The following CDK19 variants were observed in gnomAD, a reference collection of about 807,000 sequenced individuals.
The protein encoded by CDK19 is cyclin-dependent kinase 19.
In CDK19, 20 loss-of-function variants were observed where a neutral mutation model predicts 68.3. That is an observed-to-expected ratio of 0.29 (90% CI 0.21 to 0.43). The LOEUF (loss-of-function observed/expected upper bound fraction) is 0.43, where lower values mean the gene tolerates loss of function less well. CDK19 is among the 20% of genes least tolerant of loss of function. The pLI is 1.00. For synonymous variants in CDK19, 221 were observed against 222.8 expected (o/e 0.99, Z 0.07); for missense variants, 339 against 623.5 (o/e 0.54, Z 4.86).
chr6:110,760,696 C>G (rs1779171897), intron 1 of CDK19, among the ~76,000 whole-genome samples: 1 of 152,218 alleles, frequency 6.6e-6, no homozygotes, highest in Admixed American at 6.5e-5. Context: ...TCATTGTACT[C>G]CAGCCTGGGC....
At chr6:110,710,200 C>T (rs181606770) in intron 2 of CDK19, among the ~76,000 whole-genome samples, 1 of 152,300 alleles carries the variant, frequency 6.6e-6, no homozygotes, top group African/African-American at 2.4e-5. Flanking sequence ...TTGAAGCCAA[C>T]TCAACCAAAC....
chr6:110,734,527 C>CTCTCTCTCTCTCTCTCTCTCTCTCTCTT (rs1777064075), intron 2 of CDK19, among the ~76,000 whole-genome samples: 1 of 139,606 alleles, frequency 7.2e-6, no homozygotes, highest in Non-Finnish European at 1.5e-5. Flanking sequence ...ACTGCTCTCT[C>CTCTCTCTCTCTCTCTCTCTCTCTCTCTT]TCTCTCTCTC....
intron 1 of CDK19, among the ~76,000 whole-genome samples, chr6:110,749,244 G>A (rs1778290985): frequency 1.3e-5 from 2 of 152,120 alleles, no homozygotes; most frequent in South Asian, 4.1e-4. Context: ...ATAACATGTA[G>A]CAACACCATG....
At position 110,670,476 on chromosome 6, in the gene CDK19, G is replaced by A. The variant is rs1157700054; in HGVS notation, c.270C>T (p.Asp90=). ...ALQKVFLSHS[D]RKVWLLFDYA... ...AATCAAACAGCAGCCATACCTTCCT[G>A]TCACTGTGAGAAAGGAACACCTTCT... Residue 90 remains aspartate (D), a synonymous_variant, in exon 3 of 13, where the codon GAC becomes GAT. Coordinates refer to ENST00000368911, the MANE Select transcript of CDK19 (RefSeq NM_015076.5). 3 of 1,612,174 alleles carry A rather than the reference G, an allele frequency of 1.9e-6. No individual in the cohort carries two copies. In the South Asian group the frequency reaches 3.3e-5, roughly 18 times the overall value.
intron 2 of CDK19, among the ~76,000 whole-genome samples, chr6:110,733,895 T>G (rs974300958): frequency 2.6e-5 from 4 of 152,186 alleles, no homozygotes; most frequent in Non-Finnish European, 5.9e-5. Flanking sequence ...GTATAATGGA[T>G]GAAACTGTAG....
chr6:110,797,157 T>C (rs939177065), intron 1 of CDK19, among the ~76,000 whole-genome samples: 28 of 151,754 alleles, frequency 1.8e-4, no homozygotes, highest in Admixed American at 1.5e-3. Flanking sequence ...CTGGCCAAGA[T>C]AGTGAAACCC....
intron 1 of CDK19, among the ~76,000 whole-genome samples, chr6:110,765,827 A>G (rs1779545868): frequency 6.6e-6 from 1 of 152,200 alleles, no homozygotes; most frequent in African/African-American, 2.4e-5. Context: ...AAGATATACA[A>G]ATGACGAACA....
intron 1 of CDK19, among the ~76,000 whole-genome samples, chr6:110,807,449 T>C (rs1782756876): frequency 1.3e-5 from 2 of 152,148 alleles, no homozygotes; most frequent in Non-Finnish European, 2.9e-5. Flanking sequence ...TACGTTACAC[T>C]GGTGGTTTTT....
At chr6:110,669,493 A>G (rs1244130536) in intron 3 of CDK19, among the ~76,000 whole-genome samples, 1 of 152,096 alleles carries the variant, frequency 6.6e-6, no homozygotes, top group Non-Finnish European at 1.5e-5. Flanking sequence ...ACAAACAAAC[A>G]AAAAAGGCTG....
rs916871210 is a variant in CDK19 at position 110,734,256 on chromosome 6, C to T, written c.204+11870G>A. 4.6e-5 allele frequency among the ~76,000 whole-genome samples: 7 copies of T among 152,040 alleles called. No individual in the cohort carries two copies. In the East Asian group the frequency reaches 9.6e-4, roughly 21 times the overall value. ...AACTCCTGAGCTCAAGTGATCCACC[C>T]GCCTCAGCCTCCGAAAGTGCTGGGA... On this transcript the variant is annotated intron_variant, in intron 2 of 12. Coordinates refer to ENST00000368911, the MANE Select transcript of CDK19 (RefSeq NM_015076.5).
chr6:110,729,603 ATT>A (rs35087722), intron 2 of CDK19, among the ~76,000 whole-genome samples: 117 of 134,216 alleles, frequency 8.7e-4, no homozygotes, highest in African/African-American at 2.7e-3. Context: ...TAATTTTTGT[ATT>A]TTTTTTTTTT....
At chr6:110,693,992 T>G (rs1210803774) in intron 2 of CDK19, among the ~76,000 whole-genome samples, 7 of 150,070 alleles carry the variant, frequency 4.7e-5, no homozygotes, top group Non-Finnish European at 7.4e-5. Flanking sequence ...TTCTAAATCT[T>G]GAAACAAAAA....
intron 3 of CDK19, among the ~76,000 whole-genome samples, chr6:110,668,459 T>TA (rs1452193358): frequency 6.6e-6 from 1 of 152,012 alleles, no homozygotes. Context: ...AATAGAAAAA[T>TA]AGAGTTTATA....
intron 2 of CDK19, among the ~76,000 whole-genome samples, chr6:110,721,704 G>A (rs1477860412): frequency 1.3e-5 from 2 of 151,998 alleles, no homozygotes; most frequent in African/African-American, 2.4e-5. Context: ...GGCAGCTCAC[G>A]CCTGTAATCC....
intron 6 of CDK19, 67 bp from the exon 7 acceptor site, chr6:110,627,212 G>A: frequency 8.5e-7 from 1 of 1,181,604 alleles, no homozygotes; most frequent in Non-Finnish European, 1.2e-6. Flanking sequence ...TATAATCCCA[G>A]CCTACTTATA....
At position 110,622,196 on chromosome 6, in the gene CDK19, C is replaced by T. The variant is rs758140598; in HGVS notation, c.1032-30G>A. 3.5e-6 allele frequency: 5 copies of T among 1,426,724 alleles called. No homozygotes were observed. The East Asian group carries it at 1.1e-4, about 32-fold the overall frequency. 88.4% of individuals were successfully genotyped at this position (1,426,724 alleles called of 1,614,324 possible). On this transcript the variant is annotated intron_variant, in intron 10 of 12. Coordinates refer to ENST00000368911, the MANE Select transcript of CDK19 (RefSeq NM_015076.5). Reference sequence around the variant, plus strand: ...AAATCATTAAAAAGAAAAAACATATCATGATCTAAAATCTGTAATATCATT... The same window carrying T: ...AAATCATTAAAAAGAAAAAACATATTATGATCTAAAATCTGTAATATCATT...
intron 1 of CDK19, among the ~76,000 whole-genome samples, chr6:110,800,604 G>A (rs952245287): frequency 7.9e-5 from 12 of 152,064 alleles, no homozygotes; most frequent in African/African-American, 2.9e-4. Flanking sequence ...AATTCACTAC[G>A]ATCAAGTGGG....
At chr6:110,671,950 G>T (rs1018155068) in intron 2 of CDK19, among the ~76,000 whole-genome samples, 14 of 152,174 alleles carry the variant, frequency 9.2e-5, no homozygotes, top group African/African-American at 3.1e-4. Flanking sequence ...GCTAATTTTT[G>T]TATTTTTAGT....
chr6:110,638,190 T>C (rs1020402121), intron 5 of CDK19, among the ~76,000 whole-genome samples: 4 of 152,164 alleles, frequency 2.6e-5, no homozygotes, highest in African/African-American at 9.7e-5. Context: ...AAAGGTATGT[T>C]AGTACTTGGT....
Sources: allele counts gnomAD v4.1 joint callset (sites outside exome capture counted in the v4.1 genomes callset), GRCh38; gene constraint gnomAD v4.1.1; transcripts MANE v1.5; gene names NCBI Gene and HGNC (gene_info 2026-07-23, HGNC 2026-07-21).